The following SARAF variants were observed in gnomAD, a reference collection of about 807,000 sequenced individuals.
SARAF encodes the protein store-operated calcium entry-associated regulatory factor.
Under a neutral mutation model 39.7 loss-of-function variants are expected in SARAF, and 23 were observed. The ratio of observed to expected loss-of-function variants is 0.58; its 90% CI spans 0.42 to 0.82. The LOEUF is 0.82. SARAF is among the 40% of genes least tolerant of loss of function. The pLI is 0.00. For synonymous variants in SARAF, 175 were observed against 168.5 expected, an observed-to-expected ratio of 1.04 and a Z score of -0.30; for missense variants, 384 against 418.5, an observed-to-expected ratio of 0.92 and a Z score of 0.72.
Position 30,069,787 on chromosome 8 carries a change from G to A in SARAF, c.555C>T (p.Ile185=), listed in dbSNP as rs762858881. The A allele has an allele frequency of 9.9e-6, 16 of 1,613,952 alleles. No individual in the cohort carries two copies. In the Admixed American group the frequency reaches 1.0e-4, roughly 10 times the overall value. ...GGAACAGCTTATAGACTACAAACGCGATCCCAAGGAGTACCACAATGGTAA... is the reference window on the plus strand; with the variant it reads ...GGAACAGCTTATAGACTACAAACGCAATCCCAAGGAGTACCACAATGGTAA... ...GLITIVVLLG[I]AFVVYKLFLS... The change falls in exon 3 of 6, where the codon ATC becomes ATT. Residue 185 remains isoleucine, a synonymous_variant. Transcript: ENST00000256255.
In SARAF at chr8:30,080,683, ATC is replaced by A. The variant is rs1172816653; in HGVS notation, c.103+2162_103+2163del. Among the ~76,000 whole-genome samples, 8 of 152,346 alleles carry A rather than the reference ATC, an allele frequency of 5.3e-5. No individual in the cohort carries two copies. In the East Asian group the frequency reaches 1.5e-3, roughly 29 times the overall value. ...AAGGAATTTTGAAAATTCATTGGTAATCTCTTTAGAATGGTGCTAATTTTTTT... is the reference window on the plus strand; with the variant it reads ...AAGGAATTTTGAAAATTCATTGGTAATCTTTAGAATGGTGCTAATTTTTTT... On this transcript the variant is annotated intron_variant, in intron 1 of 5. Transcript: ENST00000256255.
chr8:30,068,482 A>G (rs2117424374), intron 3 of SARAF, among the ~76,000 whole-genome samples: 1 of 152,362 alleles, frequency 6.6e-6, no homozygotes, highest in African/African-American at 2.4e-5. Flanking sequence ...ATTTCATTAT[A>G]TATTACAATG....
At chr8:30,064,198 T>C (rs908986123) in intron 5 of SARAF, among the ~76,000 whole-genome samples, 3 of 152,070 alleles carry the variant, frequency 2.0e-5, no homozygotes, top group Non-Finnish European at 4.4e-5. Context: ...GTACAGGCAA[T>C]ACTCAAAGTC....
chr8:30,083,075 A>T, upstream of SARAF: 1 of 634,392 alleles, frequency 1.6e-6, no homozygotes. Flanking sequence ...GCCCGACTGC[A>T]GAGCTGCAGC....
In SARAF at chr8:30,082,923, C is replaced by T. The variant is rs1480549745; in HGVS notation, c.27G>A (p.Ala9=). The T allele has an allele frequency of 1.3e-6, 2 of 1,549,966 alleles. No individual in the cohort carries two copies. Among genetic ancestry groups the T allele is most frequent in the East Asian group, 2.5e-5 (1 of 40,496 alleles). ...AGCCGAGGAGCAAGCAGTACCCGGC[C>T]GCTCCCGGCCCGCAGGCTGCGGCCA... The part of the protein sequence containing the change: MAAACGPG[A]AGYCLLLGLH... Residue 9 remains alanine, a synonymous_variant, in exon 1 of 6, where the codon GCG becomes GCA. Transcript: ENST00000256255.
intron 1 of SARAF, among the ~76,000 whole-genome samples, chr8:30,075,827 G>A (rs1168129797): frequency 6.6e-6 from 1 of 151,948 alleles, no homozygotes; most frequent in Non-Finnish European, 1.5e-5. Flanking sequence ...GTGAATGACT[G>A]TGGTCAGGTA....
chr8:30,076,898 A>C (rs1801979461), intron 1 of SARAF, among the ~76,000 whole-genome samples: 1 of 152,202 alleles, frequency 6.6e-6, no homozygotes. Flanking sequence ...TAAATTTCCC[A>C]GTCTGTGGTA....
chr8:30,065,829 T>G, intron 5 of SARAF, 159 bp downstream of exon 5: 1 of 806,210 alleles, frequency 1.2e-6, no homozygotes. Flanking sequence ...TTTTAAAGAA[T>G]GTTTAAAAGT....
intron 1 of SARAF, 92 bp downstream of exon 1, chr8:30,082,755 A>G (rs13279112): frequency 1 from 1,022,213 of 1,026,792 alleles, 508,969 homozygotes; most frequent in East Asian, 1. Flanking sequence ...AGGCTCCGGG[A>G]AGACGGCGCA....
intron 1 of SARAF, among the ~76,000 whole-genome samples, chr8:30,075,345 G>A (rs1045690569): frequency 2.0e-5 from 3 of 151,756 alleles, no homozygotes. Flanking sequence ...TGGAAAATAA[G>A]GACAAAGTCT....
In SARAF at chr8:30,064,545, A is replaced by ATT. The variant is rs1327312959; in HGVS notation, c.995-633_995-632insAA. 1.7e-3 allele frequency among the ~76,000 whole-genome samples: 55 copies of ATT among 32,956 alleles called. 1 individual carries two copies. Among genetic ancestry groups the ATT allele is most frequent in the Non-Finnish European group, 2.8e-3 (46 of 16,388 alleles). 21.6% of individuals were successfully genotyped at this position (32,956 alleles called of 152,430 possible). ...ATGTCTTACCTAGCCATATATATAT[A>ATT]TATATATATATATATATTTTTTTTT... On this transcript the variant is annotated intron_variant, in intron 5 of 5. Transcript: ENST00000256255.
chr8:30,077,471 C>T (rs764288772), intron 1 of SARAF, among the ~76,000 whole-genome samples: 1 of 151,500 alleles, frequency 6.6e-6, no homozygotes, highest in Non-Finnish European at 1.5e-5. Flanking sequence ...TAAATACATA[C>T]ATACGACAGA....
chr8:30,071,499 A>G (rs1028588811), intron 2 of SARAF, among the ~76,000 whole-genome samples: 2 of 152,248 alleles, frequency 1.3e-5, no homozygotes. Context: ...ATTCACACAT[A>G]CCATACAATT....
intron 2 of SARAF, 103 bp downstream of exon 2, chr8:30,073,774 G>A (rs998690479): frequency 4.4e-5 from 43 of 980,900 alleles, no homozygotes; most frequent in Admixed American, 1.2e-4. Flanking sequence ...AGGCTGATCT[G>A]AGATTTCCGT....
rs1585436829 is a variant in SARAF, at chr8:30,069,786, C to T, written c.556G>A (p.Ala186Thr). The T allele has an allele frequency of 2.5e-6, 4 of 1,614,082 alleles. No individual in the cohort carries two copies. Among genetic ancestry groups the T allele is most frequent in the Non-Finnish European group, 3.4e-6 (4 of 1,180,002 alleles). ...LITIVVLLGI[A>T]FVVYKLFLSD... ...AGGAACAGCTTATAGACTACAAACG[C>T]GATCCCAAGGAGTACCACAATGGTA... Residue 186 changes from alanine (A) to threonine (T), a missense_variant, in exon 3 of 6, where the codon GCG (alanine) becomes ACG (threonine). Transcript: ENST00000256255.
chr8:30,065,996 G>A lies in SARAF; in HGVS notation c.986C>T (p.Thr329Ile). 1 of 1,614,134 alleles carries A rather than the reference G, an allele frequency of 6.2e-7. No individual in the cohort carries two copies. Among genetic ancestry groups the A allele is most frequent in the Non-Finnish European group, 8.5e-7 (1 of 1,180,016 alleles). ...VCSNSDTKTR[T>I]ASGYGGTRRR Reference sequence around the variant, plus strand: ...GTATTTTTTGCTCTTACCTGATGCAGTTCTGGTTTTCGTGTCTGAGTTTGA... The same window carrying A: ...GTATTTTTTGCTCTTACCTGATGCAATTCTGGTTTTCGTGTCTGAGTTTGA... The change falls in exon 5 of 6, where the codon ACT becomes ATT. Residue 329 changes from threonine to isoleucine, a missense_variant. Transcript: ENST00000256255.
At chr8:30,065,540 C>G (rs1156963885) in intron 5 of SARAF, among the ~76,000 whole-genome samples, 1 of 152,132 alleles carries the variant, frequency 6.6e-6, no homozygotes, top group Non-Finnish European at 1.5e-5. Flanking sequence ...TCCAGTTATT[C>G]CTTTGTTTTT....
Position 30,078,579 on chromosome 8 carries a change from G to A in SARAF, c.103+4268C>T, listed in dbSNP as rs148092447. On this transcript the variant is annotated intron_variant, in intron 1 of 5. Transcript: ENST00000256255. ...AACTCTAAAGGAAAAAGTCTGGCTG[G>A]GTTTGCCAACCATCGCTTTGCTAAT... 9.9e-4 allele frequency among the ~76,000 whole-genome samples: 151 copies of A among 152,204 alleles called. 2 individuals carry two copies. Among genetic ancestry groups the A allele is most frequent in the Non-Finnish European group, 8.8e-4 (60 of 68,016 alleles).
At chr8:30,078,191 A>AAAG in intron 1 of SARAF, 1 of 403,978 alleles carries the variant, frequency 2.5e-6, no homozygotes, top group Non-Finnish European at 4.7e-6. Flanking sequence ...AAAAAAAAAA[A>AAAG]AAAGAAAGAA....
Sources: allele counts gnomAD v4.1 joint callset (sites outside exome capture counted in the v4.1 genomes callset), GRCh38; gene constraint gnomAD v4.1.1; transcripts MANE v1.5; gene names NCBI Gene and HGNC (gene_info 2026-07-23, HGNC 2026-07-21).